Variants in SLC45A4 observed in about 807,000 individuals in gnomAD.
SLC45A4 encodes the protein solute carrier family 45 member 4.
Under a neutral mutation model 63.7 loss-of-function variants are expected in SLC45A4, and 32 were observed. That is an observed-to-expected ratio of 0.50 (90% CI 0.38 to 0.67). The LOEUF (loss-of-function observed/expected upper bound fraction) is 0.67, where lower values mean the gene tolerates loss of function less well. Ranked by LOEUF, SLC45A4 falls within the 30% of genes least tolerant of loss-of-function variation. The pLI is 0.00. For missense variants in SLC45A4, 1,027 were observed against 1,157.7 expected, an observed-to-expected ratio of 0.89 and a Z score of 1.64; for synonymous variants, 535 against 510.0, an observed-to-expected ratio of 1.05 and a Z score of -0.66.
intron 1 of SLC45A4, among the ~76,000 whole-genome samples, chr8:141,293,892 C>T (rs1214742107): frequency 6.6e-6 from 1 of 150,584 alleles, no homozygotes; most frequent in African/African-American, 2.5e-5. Context: ...GAGATAGTGT[C>T]GCTGCACTCC....
intron 2 of SLC45A4, among the ~76,000 whole-genome samples, chr8:141,237,134 A>T (rs979562432): frequency 2.0e-5 from 3 of 152,202 alleles, no homozygotes; most frequent in Non-Finnish European, 4.4e-5. Flanking sequence ...CCAAAATATG[A>T]TATATTGCTT....
intron 8 of SLC45A4, chr8:141,211,920 TTAAAA>T: frequency 8.0e-7 from 1 of 1,252,848 alleles, no homozygotes; most frequent in East Asian, 3.1e-5. Context: ...AGAGCTGAAA[TTAAAA>T]TATCTTTTTC....
chr8:141,234,413 C>T (rs535453436), intron 2 of SLC45A4, among the ~76,000 whole-genome samples: 3 of 152,316 alleles, frequency 2.0e-5, no homozygotes, highest in East Asian at 1.9e-4. Context: ...GGAAGAAGGG[C>T]GTCCGTTGTT....
rs759569292 is a variant in SLC45A4 at position 141,254,065 on chromosome 8, G to C, written c.165C>G (p.His55Gln). 1 of 1,536,126 alleles carries C rather than the reference G, an allele frequency of 6.5e-7. No individual in the cohort carries two copies. Among genetic ancestry groups the C allele is most frequent in the East Asian group, 2.4e-5 (1 of 40,908 alleles). The change falls in exon 2 of 9, where the codon CAC becomes CAG. Residue 55 changes from histidine to glutamine, a missense_variant. His to Gln is a conservative substitution (Grantham distance 24). Coordinates refer to ENST00000517878, the MANE Select transcript of SLC45A4 (RefSeq NM_001286646.2). The surrounding 1 kb of genome is among the most constrained non-coding windows in gnomAD (Gnocchi z 4.5). Reference sequence around the variant, plus strand: ...ACTCCCTGCCAAACATCACCGCCCCGTGCATCACCCACAGGCGCATGGGGA... The same window carrying C: ...ACTCCCTGCCAAACATCACCGCCCCCTGCATCACCCACAGGCGCATGGGGA... ...DRIPMRLWVM[H>Q]GAVMFGREFC...
intron 2 of SLC45A4, chr8:141,252,541 G>GTTTGTGAATT (rs1828522465): frequency 7.5e-6 from 1 of 132,572 alleles, no homozygotes; most frequent in African/African-American, 2.6e-5. Flanking sequence ...CCACCTGTGC[G>GTTTGTGAATT]TCTGTGAATT....
chr8:141,233,708 A>G (rs1827480944), intron 2 of SLC45A4, among the ~76,000 whole-genome samples: 2 of 134,316 alleles, frequency 1.5e-5, no homozygotes, highest in African/African-American at 3.0e-5. Context: ...AAATAATAAA[A>G]TGAAATAAAA....
chr8:141,294,782 CCCCTGGGAGGGAGGCA>C (rs547297075), intron 1 of SLC45A4, among the ~76,000 whole-genome samples: 10 of 152,344 alleles, frequency 6.6e-5, no homozygotes, highest in African/African-American at 2.4e-4. Context: ...TGGTGCGGGA[CCCCTGGGAGGGAGGCA>C]CCCTGGGAGG....
chr8:141,305,879 T>C (rs1336453201), intron 1 of SLC45A4, among the ~76,000 whole-genome samples: 1 of 128,804 alleles, frequency 7.8e-6, no homozygotes. Context: ...CTCGGCTCCT[T>C]TCCTCCATCG....
intron 7 of SLC45A4, among the ~76,000 whole-genome samples, chr8:141,214,352 G>T (rs1188563139): frequency 6.6e-6 from 1 of 152,190 alleles, no homozygotes; most frequent in Non-Finnish European, 1.5e-5. Context: ...GGATCAGGAA[G>T]GAGAAAACGG....
chr8:141,232,729 CAG>C (rs1827427956), intron 2 of SLC45A4, among the ~76,000 whole-genome samples: 2 of 150,558 alleles, frequency 1.3e-5, no homozygotes, highest in Non-Finnish European at 3.0e-5. Context: ...TGGCTCAACA[CAG>C]ACATTCAGTG....
chr8:141,272,672 C>A (rs1829586654), intron 1 of SLC45A4, among the ~76,000 whole-genome samples: 1 of 152,222 alleles, frequency 6.6e-6, no homozygotes, highest in Non-Finnish European at 1.5e-5. Flanking sequence ...CTCACCCCCC[C>A]TACTCCTGCT....
intron 1 of SLC45A4, among the ~76,000 whole-genome samples, chr8:141,287,799 TG>T (rs1830206004): frequency 6.6e-6 from 1 of 152,042 alleles, no homozygotes; most frequent in South Asian, 2.1e-4. Context: ...CGGGCCTCAG[TG>T]GGGCGGTGAG....
chr8:141,237,440 T>A (rs4437700), intron 2 of SLC45A4, among the ~76,000 whole-genome samples: 12 of 152,046 alleles, frequency 7.9e-5, no homozygotes, highest in African/African-American at 2.7e-4. Flanking sequence ...CCCTTGCAAC[T>A]TGGGGGCACT....
At chr8:141,244,632 C>G (rs1828078745) in intron 2 of SLC45A4, among the ~76,000 whole-genome samples, 2 of 152,116 alleles carry the variant, frequency 1.3e-5, no homozygotes. Flanking sequence ...GCAGAGGGGC[C>G]AGGCCAGGCG....
intron 3 of SLC45A4, among the ~76,000 whole-genome samples, chr8:141,220,268 T>A (rs554073072): frequency 3.7e-4 from 56 of 152,208 alleles, no homozygotes; most frequent in African/African-American, 1.3e-3. Context: ...TGATGAGGCT[T>A]CGCGAGGCAG....
chr8:141,249,082 T>C (rs1290036480), intron 2 of SLC45A4, among the ~76,000 whole-genome samples: 2 of 150,956 alleles, frequency 1.3e-5, no homozygotes, highest in African/African-American at 2.4e-5. Flanking sequence ...CACACCCACT[T>C]CGATGAATGA....
intron 1 of SLC45A4, among the ~76,000 whole-genome samples, chr8:141,296,836 CAAAAAAAAAA>C (rs34267017): frequency 2.1e-4 from 16 of 77,276 alleles, no homozygotes; most frequent in African/African-American, 9.1e-4. Flanking sequence ...ACTCCATTGC[CAAAAAAAAAA>C]AAAAAAAAAA....
intron 1 of SLC45A4, among the ~76,000 whole-genome samples, chr8:141,301,097 C>T (rs1830729940): frequency 6.6e-6 from 1 of 152,148 alleles, no homozygotes; most frequent in Admixed American, 6.5e-5. Flanking sequence ...AGTCCCGGTG[C>T]CCAGGGAGCC....
In SLC45A4 at chr8:141,208,409, G is replaced by C. The variant is rs1825632235; in HGVS notation, c.*3163C>G. The C allele has an allele frequency of 1.3e-5, 2 of 152,192 alleles. No individual in the cohort carries two copies. The allele number at this position is 152,192 out of a possible 1,614,324, so 9.4% of individuals were successfully genotyped here. A position where few individuals can be genotyped will look rare whatever the true frequency, so the allele number is the denominator to read the frequency against. On this transcript the variant is annotated 3_prime_UTR_variant, in exon 9 of 9. Transcript: ENST00000517878. Reference sequence around the variant, plus strand: ...CTTCCTGTTCAGCTCTGGGGTTCTAGGTGGTCACAGACCAAGTCCTCCACA... The same window carrying C: ...CTTCCTGTTCAGCTCTGGGGTTCTACGTGGTCACAGACCAAGTCCTCCACA...
Sources: gnomAD v4.1 joint callset for allele counts (sites outside exome capture counted in the v4.1 genomes callset) on GRCh38, gnomAD v4.1.1 for gene constraint, Gnocchi (gnomAD v3.1) non-coding constraint, MANE v1.5 for transcripts, NCBI Gene and HGNC (gene_info 2026-07-23, HGNC 2026-07-21) for gene names.